Variants in FOXN1 observed in about 807,000 individuals in gnomAD.
The protein encoded by FOXN1 is forkhead box protein N1.
In FOXN1, 15 loss-of-function variants were observed where a neutral mutation model predicts 49.0. That is an observed-to-expected ratio of 0.31 (90% confidence interval 0.20 to 0.47). FOXN1 has a LOEUF of 0.47. Ranked by LOEUF, FOXN1 falls within the 20% of genes least tolerant of loss-of-function variation. The probability of loss-of-function intolerance (pLI) is 1.00; values close to 1 mark genes in which losing one functional copy is unlikely to be tolerated. For missense variants in FOXN1, 800 were observed against 842.8 expected, an observed-to-expected ratio of 0.95 and a Z score of 0.63; for synonymous variants, 356 against 369.0, an observed-to-expected ratio of 0.96 and a Z score of 0.40.
In FOXN1 at chr17:28,506,397, T is replaced by C. The variant is rs1207008241; in HGVS notation, c.-61T>C. ...CGGACTGACAGACGGACAGAGCTCC[T>C]GGCCCCCCAGACCCGGGCCCCCACG... On this transcript the variant is annotated 5_prime_UTR_variant, in exon 1 of 9. Transcript: ENST00000579795. The C allele has an allele frequency of 6.6e-6, 1 of 152,524 alleles. No individual in the cohort carries two copies. The highest frequency in any genetic ancestry group is 1.5e-5 in the Non-Finnish European group (1 of 68,166). 9.4% of individuals were successfully genotyped at this position (152,524 alleles called of 1,614,324 possible). A position where few individuals can be genotyped will look rare whatever the true frequency, so the allele number is the denominator to read the frequency against.
At chr17:28,518,900 G>T (rs2069584089) in intron 1 of FOXN1, among the ~76,000 whole-genome samples, 1 of 152,174 alleles carries the variant, frequency 6.6e-6, no homozygotes, top group African/African-American at 2.4e-5. Context: ...TGATGACCTT[G>T]CTCCCCTGAC....
intron 1 of FOXN1, among the ~76,000 whole-genome samples, chr17:28,519,192 G>A (rs1014737935): frequency 3.9e-5 from 6 of 152,168 alleles, no homozygotes; most frequent in East Asian, 3.9e-4. Context: ...GGGGCTGGGC[G>A]CGGTGGTGCA....
At chr17:28,510,149 G>C (rs1354445537) in intron 1 of FOXN1, among the ~76,000 whole-genome samples, 1 of 151,824 alleles carries the variant, frequency 6.6e-6, no homozygotes, top group Non-Finnish European at 1.5e-5. Flanking sequence ...TCTGACCCTC[G>C]CCCTCCACCC....
chr17:28,514,605 G>C (rs539144640), intron 1 of FOXN1, among the ~76,000 whole-genome samples: 3 of 152,258 alleles, frequency 2.0e-5, no homozygotes, highest in African/African-American at 7.2e-5. Flanking sequence ...AGCCTGTCGG[G>C]TGGAGCCCTG....
In FOXN1 at chr17:28,524,492, T is replaced by C; in HGVS notation, c.124-11T>C. On this transcript the variant is annotated splice_polypyrimidine_tract_variant and intron_variant, in intron 2 of 8. Coordinates refer to ENST00000579795, the MANE Select transcript of FOXN1 (RefSeq NM_001369369.1). ...CTCCACTCACAGGCTCGCTACTCTC[T>C]GTCTACCCAGAAGCATGCCGGCTTC... 1 of 1,612,994 alleles carries C rather than the reference T, an allele frequency of 6.2e-7. No individual in the cohort carries two copies. The highest frequency in any genetic ancestry group is 8.5e-7 in the Non-Finnish European group (1 of 1,179,344).
At chr17:28,516,742 C>T (rs1201184980) in intron 1 of FOXN1, among the ~76,000 whole-genome samples, 4 of 140,962 alleles carry the variant, frequency 2.8e-5, no homozygotes, top group African/African-American at 5.3e-5. Flanking sequence ...ACAGGGTACA[C>T]ACTTCCACAG....
rs1290856037 is a variant in FOXN1 at position 28,534,483 on chromosome 17, G to A, written c.1080G>A (p.Leu360=). The stretch of plus-strand genomic sequence containing the variant: ...AGATCGACAAGATGCAAGAGGAGCT[G>A]CAAAAATGGAAGAGGAAAGATCCCA... ...PAKIDKMQEE[L]QKWKRKDPIA... The change falls in exon 7 of 9, where the codon CTG becomes CTA. Residue 360 remains leucine (L), a synonymous_variant. Transcript: ENST00000579795. This position sits in a 1 kb window ranked among gnomAD's most constrained non-coding sequence, Gnocchi z 4.1. The A allele has an allele frequency of 6.2e-7, 1 of 1,613,934 alleles. No homozygotes were observed. Among genetic ancestry groups the A allele is most frequent in the Admixed American group, 1.7e-5 (1 of 60,012 alleles).
At chr17:28,535,646 G>A (rs1408595482) in intron 8 of FOXN1, among the ~76,000 whole-genome samples, 2 of 152,196 alleles carry the variant, frequency 1.3e-5, no homozygotes, top group Non-Finnish European at 2.9e-5. Context: ...AGCTACTCGA[G>A]GCTAGAGAAT....
chr17:28,506,994 T>A, intron 1 of FOXN1, among the ~76,000 whole-genome samples: 1 of 152,208 alleles, frequency 6.6e-6, no homozygotes, highest in East Asian at 1.9e-4. Context: ...AAGGAGATGG[T>A]GCACCTTGTG....
At chr17:28,536,008 T>G (rs1426070234) in intron 8 of FOXN1, among the ~76,000 whole-genome samples, 1 of 152,216 alleles carries the variant, frequency 6.6e-6, no homozygotes, top group Admixed American at 6.5e-5. Flanking sequence ...CTGCTCCGTC[T>G]CTGCAGATGG....
At chr17:28,523,664 T>TGCAGCC (rs1329974476) in intron 1 of FOXN1, among the ~76,000 whole-genome samples, 1 of 152,214 alleles carries the variant, frequency 6.6e-6, no homozygotes, top group African/African-American at 2.4e-5. Flanking sequence ...TCTCTGCAGC[T>TGCAGCC]GCAGCCTGAG....
chr17:28,520,559 C>T (rs1240055883), intron 1 of FOXN1, among the ~76,000 whole-genome samples: 1 of 152,190 alleles, frequency 6.6e-6, no homozygotes, highest in Admixed American at 6.5e-5. Flanking sequence ...TGCATAACTT[C>T]CTTGGTTCTC....
chr17:28,527,380 G>C lies in FOXN1; in HGVS notation c.699+19G>C. ...CCACCAGGTGGGTCTGGGGCAAGTG[G>C]GCCTGCTTCCCCCAGGTCTGAGGAT... On this transcript the variant is annotated intron_variant, in intron 4 of 8. Coordinates refer to ENST00000579795, the MANE Select transcript of FOXN1 (RefSeq NM_001369369.1). 1 of 1,436,954 alleles carries C rather than the reference G, an allele frequency of 7.0e-7. No homozygotes were observed. Among genetic ancestry groups the C allele is most frequent in the Non-Finnish European group, 9.8e-7 (1 of 1,020,940 alleles). 89.0% of individuals were successfully genotyped at this position (1,436,954 alleles called of 1,614,324 possible).
Position 28,534,295 on chromosome 17 carries a change from C to A in FOXN1, c.928-36C>A. 6.2e-7 allele frequency: 1 copy of A among 1,613,920 alleles called. No individual in the cohort carries two copies. The highest frequency in any genetic ancestry group is 8.5e-7 in the Non-Finnish European group (1 of 1,180,000). On this transcript the variant is annotated intron_variant, in intron 6 of 8. Coordinates refer to ENST00000579795, the MANE Select transcript of FOXN1 (RefSeq NM_001369369.1). The surrounding 1 kb of genome is among the most constrained non-coding windows in gnomAD (Gnocchi z 4.1). The stretch of plus-strand genomic sequence containing the variant: ...CTGAAGCCCGCTCTGGCTTCCTGAG[C>A]CTGGCCTGAATGCTTGTCTTGCTCT...
rs539716042 is a variant in FOXN1 at position 28,527,412 on chromosome 17, T to TGTGTGTATGTGGTGTGTGG, written c.699+56_699+74dup. 65 of 1,015,370 alleles carry TGTGTGTATGTGGTGTGTGG rather than the reference T, an allele frequency of 6.4e-5. No individual in the cohort carries two copies. The Middle Eastern group carries it at 1.0e-3, about 16-fold the overall frequency. 62.9% of individuals were successfully genotyped at this position (1,015,370 alleles called of 1,614,324 possible). ...TTCCCCCAGGTCTGAGGATATCGTGTGTGTGTATGTGGTGTGTGGGTGTCT... is the reference window on the plus strand; with the variant it reads ...TTCCCCCAGGTCTGAGGATATCGTGTGTGTGTATGTGGTGTGTGGGTGTGTATGTGGTGTGTGGGTGTCT... On this transcript the variant is annotated intron_variant, in intron 4 of 8. Transcript: ENST00000579795.
intron 1 of FOXN1, among the ~76,000 whole-genome samples, chr17:28,510,403 C>T (rs542528460): frequency 5.9e-5 from 9 of 151,902 alleles, no homozygotes; most frequent in East Asian, 1.9e-4. Context: ...CACACGCGCA[C>T]GCACACACAC....
Position 28,523,815 on chromosome 17 carries a change from TCTCTCTCTCTCTCTCTC to T in FOXN1, c.-14-140_-14-124del, listed in dbSNP as rs1463642949. The T allele has an allele frequency of 8.5e-5, 59 of 695,872 alleles. No homozygotes were observed. In the Middle Eastern group the frequency reaches 9.6e-4, roughly 11 times the overall value. The allele number at this position is 695,872 out of a possible 1,614,324, so 43.1% of individuals were successfully genotyped here. On this transcript the variant is annotated intron_variant, in intron 1 of 8. Coordinates refer to ENST00000579795, the MANE Select transcript of FOXN1 (RefSeq NM_001369369.1). ...GGTTCTCTCTCTCTCTCTCTCTCTC[TCTCTCTCTCTCTCTCTC>T]ATCAGATGGCTGACTGGAGGCAGGG...
In FOXN1 at chr17:28,535,096, C is replaced by G; in HGVS notation, c.1525C>G (p.Pro509Ala). 1 of 1,606,768 alleles carries G rather than the reference C, an allele frequency of 6.2e-7. No homozygotes were observed. The highest frequency in any genetic ancestry group is 8.5e-7 in the Non-Finnish European group (1 of 1,175,076). Reference protein sequence around the residue: ...PSHSAKLLAEPSPARTMHDTL... With the variant: ...PSHSAKLLAEASPARTMHDTL... ...CCACAGTGCCAAGCTACTGGCCGAG[C>G]CTTCCCCAGCCAGGACTATGCACGA... is the stretch of plus-strand genomic sequence containing the variant. Residue 509 changes from proline to alanine, a missense_variant, in exon 8 of 9, where the codon CCT becomes GCT. Pro to Ala is a conservative substitution (Grantham distance 27). Transcript: ENST00000579795.
At chr17:28,532,951 G>A (rs542146653) in intron 6 of FOXN1, among the ~76,000 whole-genome samples, 5 of 152,302 alleles carry the variant, frequency 3.3e-5, no homozygotes, top group South Asian at 2.1e-4. Flanking sequence ...GGTGGGAGTC[G>A]AAGGTGAATC....
Sources: allele counts gnomAD v4.1 joint callset (sites outside exome capture counted in the v4.1 genomes callset), GRCh38; gene constraint gnomAD v4.1.1; non-coding constraint Gnocchi (gnomAD v3.1); transcripts MANE v1.5; gene names NCBI Gene and HGNC (gene_info 2026-07-23, HGNC 2026-07-21).